PTGER4: variants seen among roughly 807,000 people sequenced by gnomAD.
PTGER4 encodes prostaglandin E2 receptor EP4 subtype.
PTGER4 carries 11 observed loss-of-function variants against 33.2 expected under a neutral mutation model. The observed-to-expected ratio is 0.33, with a 90% CI of 0.21 to 0.55. PTGER4 has a LOEUF of 0.55. Among genes scored for constraint, PTGER4 ranks in the 20% least tolerant of loss-of-function variants. PTGER4 has a pLI of 0.92. For synonymous variants in PTGER4, 275 were observed against 281.5 expected, an observed-to-expected ratio of 0.98 and a Z score of 0.23; for missense variants, 481 against 650.2, an observed-to-expected ratio of 0.74 and a Z score of 2.83.
At chr5:40,706,860 G>C in the PTGER4 span, among the ~76,000 whole-genome samples, 3 of 152,196 alleles carry the variant, frequency 2.0e-5, no homozygotes, top group African/African-American at 7.2e-5. Flanking sequence ...CCAGAAGAGA[G>C]TGGGGGCCAA....
chr5:40,690,435 A>G (rs1267743925), intron 2 of PTGER4, among the ~76,000 whole-genome samples: 2 of 152,234 alleles, frequency 1.3e-5, no homozygotes, highest in African/African-American at 4.8e-5. Context: ...CATTCGCTGA[A>G]TCATTTGAAG....
chr5:40,692,504 C>CA lies in PTGER4; in HGVS notation c.*127dup. The CA allele has an allele frequency of 6.8e-7, 1 of 1,477,792 alleles. No individual in the cohort carries two copies. Among genetic ancestry groups the CA allele is most frequent in the Non-Finnish European group, 8.9e-7 (1 of 1,122,292 alleles). The allele number at this position is 1,477,792 out of a possible 1,614,324, so 91.5% of individuals were successfully genotyped here. On this transcript the variant is annotated 3_prime_UTR_variant, in exon 3 of 3. Transcript: ENST00000302472. Reference sequence around the variant, plus strand: ...TCATCCTACAACTCACATTAGAGAACATCCTGGCTTTTGAGCACTTTTCAA... The same window carrying CA: ...TCATCCTACAACTCACATTAGAGAACAATCCTGGCTTTTGAGCACTTTTCAA...
chr5:40,729,923 TTCTGACCTCAAGTGA>T, the PTGER4 span, among the ~76,000 whole-genome samples: 99 of 152,300 alleles, frequency 6.5e-4, no homozygotes, highest in African/African-American at 2.3e-3. Flanking sequence ...GGTCTCGAAC[TTCTGACCTCAAGTGA>T]TCCACCCACC....
At position 40,692,171 on chromosome 5, in the gene PTGER4, C is replaced by A. The variant is rs1280161059; in HGVS notation, c.1260C>A (p.Gly420=). 9 of 1,614,098 alleles carry A rather than the reference C, an allele frequency of 5.6e-6. No homozygotes were observed. The highest frequency in any genetic ancestry group is 7.6e-6 in the Non-Finnish European group (9 of 1,180,054). Residue 420 remains glycine, a synonymous_variant, in exon 3 of 3, where the codon GGC becomes GGA. Transcript: ENST00000302472. ...GGRNLLPGVP[G]MGLAQEDTTS... is the part of the protein sequence containing the mutation. ...GGAATTTGCTTCCAGGTGTGCCTGG[C>A]ATGGGCCTGGCCCAGGAAGACACCA...
At position 40,692,056 on chromosome 5, in the gene PTGER4, C is replaced by G. The variant is rs769456986; in HGVS notation, c.1145C>G (p.Ser382Cys). 26 of 1,614,100 alleles carry G rather than the reference C, an allele frequency of 1.6e-5. No individual in the cohort carries two copies. The South Asian group carries it at 2.7e-4, about 17-fold the overall frequency. The change falls in exon 3 of 3, where the codon TCC becomes TGC. Residue 382 changes from serine (S) to cysteine (C), a missense_variant. Ser to Cys is a moderately radical substitution (Grantham distance 112). Transcript: ENST00000302472. ...TCAGGCCACTCTCGCTCCTTCATCT[C>G]CCGGGAGCTGAAGGAGATCAGCAGT... is the stretch of plus-strand genomic sequence containing the variant. ...AMSGHSRSFI[S>C]RELKEISSTS...
downstream of PTGER4, chr5:40,693,831 T>C (rs1741529209): frequency 1.6e-6 from 1 of 606,546 alleles, no homozygotes; most frequent in Non-Finnish European, 2.1e-6. Context: ...TTTTAAAATT[T>C]ATTGTGAAAT....
chr5:40,709,991 A>C, the PTGER4 span, among the ~76,000 whole-genome samples: 2 of 151,746 alleles, frequency 1.3e-5, no homozygotes, highest in African/African-American at 2.4e-5. Flanking sequence ...AAACCTAGGC[A>C]ATACCATTCA....
chr5:40,730,275 T>C, the PTGER4 span: 1 of 1,599,168 alleles, frequency 6.3e-7, no homozygotes. Context: ...TGATTTCATC[T>C]CGTATAGGGT....
chr5:40,733,492 T>G, the PTGER4 span, among the ~76,000 whole-genome samples: 2 of 152,170 alleles, frequency 1.3e-5, no homozygotes, highest in African/African-American at 2.4e-5. Context: ...CAACCCTAGA[T>G]CTACTTGGCC....
chr5:40,687,391 T>G (rs1741352736), intron 2 of PTGER4, among the ~76,000 whole-genome samples: 1 of 152,184 alleles, frequency 6.6e-6, no homozygotes, highest in Non-Finnish European at 1.5e-5. Flanking sequence ...CAACACACTC[T>G]TCCAACACTG....
the PTGER4 span, among the ~76,000 whole-genome samples, chr5:40,727,682 AAT>A: frequency 1.3e-5 from 2 of 152,234 alleles, no homozygotes; most frequent in African/African-American, 4.8e-5. Flanking sequence ...CAGTGATACT[AAT>A]ACCACTTTAT....
At chr5:40,697,222 GAAGA>G (rs1367340966), downstream of PTGER4, among the ~76,000 whole-genome samples, 18 of 77,264 alleles carry the variant, frequency 2.3e-4, no homozygotes, top group Non-Finnish European at 3.4e-4. Flanking sequence ...GAAAAAGAAA[GAAGA>G]AAAGAAAGAA....
At chr5:40,705,664 A>C in the PTGER4 span, among the ~76,000 whole-genome samples, 1 of 152,246 alleles carries the variant, frequency 6.6e-6, no homozygotes, top group Admixed American at 6.5e-5. Flanking sequence ...ACATGGGCAA[A>C]GGACATGAAC....
the PTGER4 span, among the ~76,000 whole-genome samples, chr5:40,722,863 G>T: frequency 2.0e-5 from 3 of 151,562 alleles, no homozygotes; most frequent in African/African-American, 7.3e-5. Flanking sequence ...GGGAGGTGGG[G>T]GGCGCCTCCG....
downstream of PTGER4, among the ~76,000 whole-genome samples, chr5:40,698,092 CAA>C (rs1156254550): frequency 2.5e-5 from 1 of 40,050 alleles, no homozygotes; most frequent in Non-Finnish European, 4.1e-5. Context: ...CCTGTCTCTA[CAA>C]AAAAAAAAAA....
chr5:40,721,953 T>C, the PTGER4 span, among the ~76,000 whole-genome samples: 1 of 152,180 alleles, frequency 6.6e-6, no homozygotes, highest in Non-Finnish European at 1.5e-5. Flanking sequence ...AAAAACCTAG[T>C]AACCTGATCT....
In PTGER4 at chr5:40,683,789, GA is replaced by G. The variant is rs1177299642; in HGVS notation, c.867+1932del. ...ATTCAGGGCCCTTACACAAAGCCTTGAAATTATTTGAGGACCTAGAGGCAAG... is the reference window on the plus strand; with the variant it reads ...ATTCAGGGCCCTTACACAAAGCCTTGAATTATTTGAGGACCTAGAGGCAAG... On this transcript the variant is annotated intron_variant, in intron 2 of 2. Transcript: ENST00000302472. The surrounding 1 kb of genome is among the most constrained non-coding windows in gnomAD (Gnocchi z 4.2). 6.6e-6 allele frequency among the ~76,000 whole-genome samples: 1 copy of G among 152,164 alleles called. No individual in the cohort carries two copies. The highest frequency in any genetic ancestry group is 2.4e-5 in the African/African-American group (1 of 41,446).
chr5:40,699,087 T>C, the PTGER4 span, among the ~76,000 whole-genome samples: 1 of 151,302 alleles, frequency 6.6e-6, no homozygotes, highest in Non-Finnish European at 1.5e-5. Context: ...AGAGGAAATA[T>C]AGGAACAGAA....
chr5:40,681,908 C>A lies in PTGER4; in HGVS notation c.867+48C>A, dbSNP rs181935252. The A allele has an allele frequency of 3.3e-4, 485 of 1,471,858 alleles. 1 individual carries two copies. The African/African-American group carries it at 6.7e-3, about 20-fold the overall frequency. The allele number at this position is 1,471,858 out of a possible 1,614,324, so 91.2% of individuals were successfully genotyped here. A position where few individuals can be genotyped will look rare whatever the true frequency, so the allele number is the denominator to read the frequency against. ...CTACTCGGCCTTTTTCTCGCATCCA[C>A]CTCCCGCGTCCATTCCCCGCTCCCT... On this transcript the variant is annotated intron_variant, in intron 2 of 2. Coordinates refer to ENST00000302472, the MANE Select transcript of PTGER4 (RefSeq NM_000958.3). The surrounding 1 kb of genome is among the most constrained non-coding windows in gnomAD (Gnocchi z 9.8).
Sources: allele counts gnomAD v4.1 joint callset (sites outside exome capture counted in the v4.1 genomes callset), GRCh38; gene constraint gnomAD v4.1.1; non-coding constraint Gnocchi (gnomAD v3.1); transcripts MANE v1.5; gene names NCBI Gene and HGNC (gene_info 2026-07-23, HGNC 2026-07-21).